The following MTMR10 variants were observed in gnomAD, a reference collection of about 807,000 sequenced individuals.
MTMR10 encodes myotubularin related protein 10, also known as myotubularin-related protein 10.
A neutral mutation model predicts 88.1 loss-of-function variants in MTMR10; 56 were observed. The ratio of observed to expected loss-of-function variants is 0.64; its 90% CI spans 0.51 to 0.79. MTMR10 has a LOEUF of 0.79. Among genes scored for constraint, MTMR10 ranks in the 30% least tolerant of loss-of-function variants. MTMR10 has a pLI of 0.00. For synonymous variants in MTMR10, 380 were observed against 340.9 expected, an observed-to-expected ratio of 1.11 and a Z score of -1.26; for missense variants, 883 against 924.7, an observed-to-expected ratio of 0.95 and a Z score of 0.58.
the MTMR10 span, among the ~76,000 whole-genome samples, chr15:30,924,910 C>T: frequency 6.6e-6 from 1 of 152,230 alleles, no homozygotes; most frequent in Non-Finnish European, 1.5e-5. Context: ...CCCGGTCACG[C>T]TCCAGCACGT....
chr15:30,929,093 A>G, the MTMR10 span: 20 of 897,324 alleles, frequency 2.2e-5, no homozygotes, highest in Non-Finnish European at 3.1e-5. Context: ...TTTTGAGAGA[A>G]AGAATGTATC....
the MTMR10 span, among the ~76,000 whole-genome samples, chr15:30,921,303 T>C: frequency 3.3e-5 from 5 of 152,184 alleles, no homozygotes; most frequent in Admixed American, 1.3e-4. Flanking sequence ...GAACTCCTTG[T>C]GAGACTTGGC....
chr15:30,984,673 T>C (rs1245175863), intron 2 of MTMR10, among the ~76,000 whole-genome samples: 1 of 152,194 alleles, frequency 6.6e-6, no homozygotes, highest in Non-Finnish European at 1.5e-5. Flanking sequence ...CATGGTTGTA[T>C]GCTTTTCTGA....
chr15:30,933,492 G>A, the MTMR10 span, among the ~76,000 whole-genome samples: 1 of 152,100 alleles, frequency 6.6e-6, no homozygotes, highest in Admixed American at 6.5e-5. Flanking sequence ...GACATATTTT[G>A]TATGATTTGA....
chr15:30,959,332 T>TAA (rs1275438111), intron 7 of MTMR10, among the ~76,000 whole-genome samples: 1 of 152,162 alleles, frequency 6.6e-6, no homozygotes, highest in African/African-American at 2.4e-5. Flanking sequence ...AAATCTAAAT[T>TAA]TATAGCATGA....
At position 30,948,483 on chromosome 15, in the gene MTMR10, A is replaced by G; in HGVS notation, c.1208-12T>C. ...TCTTCCTTCCTCCTCTGTTAATAAA[A>G]TGGAAAGAAAATGATTACAACATAG... On this transcript the variant is annotated splice_polypyrimidine_tract_variant and intron_variant, in intron 12 of 15. Transcript: ENST00000435680. The G allele has an allele frequency of 6.3e-7, 1 of 1,586,798 alleles. No individual in the cohort carries two copies.
Position 30,963,245 on chromosome 15 carries a change from C to T in MTMR10, c.566-2172G>A, listed in dbSNP as rs116014793. Among the ~76,000 whole-genome samples, 699 of 152,244 alleles carry T rather than the reference C, an allele frequency of 4.6e-3. 9 individuals are homozygous for T. Among genetic ancestry groups the T allele is most frequent in the African/African-American group, 0.016 (668 of 41,528 alleles). ...ACTTCCATCACTGGACGGTGCTGCT[C>T]TAGATTACGGAGGGGCTATGTTAGG... is the stretch of plus-strand genomic sequence containing the variant. On this transcript the variant is annotated intron_variant, in intron 6 of 15. Transcript: ENST00000435680.
downstream of MTMR10, chr15:30,936,971 G>A (rs1380955878): frequency 9.2e-6 from 6 of 654,320 alleles, no homozygotes; most frequent in African/African-American, 9.1e-5. Context: ...GTAAGTGAAG[G>A]ACCATCCGTA....
intron 11 of MTMR10, 132 bp from the exon 12 acceptor site, chr15:30,952,170 G>A (rs1252519597): frequency 1.1e-5 from 9 of 798,206 alleles, no homozygotes; most frequent in Non-Finnish European, 1.6e-5. Flanking sequence ...CATAACTCAT[G>A]ACCCATGATA....
intron 5 of MTMR10, 83 bp downstream of exon 5, chr15:30,974,231 T>C: frequency 8.1e-7 from 1 of 1,230,516 alleles, no homozygotes; most frequent in Non-Finnish European, 1.0e-6. Flanking sequence ...TCTGAGCAAT[T>C]GAGAAATGAA....
In MTMR10 at chr15:30,940,505, G is replaced by A; in HGVS notation, c.*965C>T. On this transcript the variant is annotated 3_prime_UTR_variant, in exon 16 of 16. Coordinates refer to ENST00000435680, the MANE Select transcript of MTMR10 (RefSeq NM_017762.3). Reference sequence around the variant, plus strand: ...GTAACCTCATTAGTTATTTCCAGGGGGAAGTGCCAGCAATAGTTTACCACA... The same window carrying A: ...GTAACCTCATTAGTTATTTCCAGGGAGAAGTGCCAGCAATAGTTTACCACA... 1.0e-6 allele frequency: 1 copy of A among 985,418 alleles called. No homozygotes were observed. Among genetic ancestry groups the A allele is most frequent in the African/African-American group, 1.7e-5 (1 of 57,340 alleles). 61.0% of individuals were successfully genotyped at this position (985,418 alleles called of 1,614,324 possible).
intron 2 of MTMR10, among the ~76,000 whole-genome samples, chr15:30,983,459 T>A (rs181033476): frequency 3.9e-5 from 6 of 152,332 alleles, no homozygotes; most frequent in Admixed American, 1.3e-4. Context: ...AGTTTTTAAC[T>A]CCCTGAGGAC....
At chr15:30,929,934 T>G in the MTMR10 span, among the ~76,000 whole-genome samples, 1 of 116,882 alleles carries the variant, frequency 8.6e-6, no homozygotes, top group African/African-American at 3.6e-5. Context: ...ATATAATATA[T>G]AAAATATATA....
rs963713764 is a variant in MTMR10 at position 30,941,435 on chromosome 15, C to T, written c.*35G>A. ...TGTTAATTCAGAGGAAAAAAGTTGA[C>T]AGCTTCCCTCAAAATGTTCAGAAAA... On this transcript the variant is annotated 3_prime_UTR_variant, in exon 16 of 16. Coordinates refer to ENST00000435680, the MANE Select transcript of MTMR10 (RefSeq NM_017762.3). 6.4e-7 allele frequency: 1 copy of T among 1,570,752 alleles called. No individual in the cohort carries two copies. The highest frequency in any genetic ancestry group is 1.9e-5 in the Admixed American group (1 of 53,296).
rs370210964 is a variant in MTMR10, at chr15:30,979,158, G to C, written c.122-2203C>G. Among the ~76,000 whole-genome samples the C allele has an allele frequency of 1.0e-3, 155 of 152,236 alleles. 1 individual carries two copies. In the Middle Eastern group the frequency reaches 0.017, roughly 17 times the overall value. Reference sequence around the variant, plus strand: ...TTTACACGGAATCATCACATACTGTGCCACCTTAGCAAACTCATCTAAAAA... The same window carrying C: ...TTTACACGGAATCATCACATACTGTCCCACCTTAGCAAACTCATCTAAAAA... On this transcript the variant is annotated intron_variant, in intron 2 of 15. Coordinates refer to ENST00000435680, the MANE Select transcript of MTMR10 (RefSeq NM_017762.3).
In MTMR10 at chr15:30,939,066, G is replaced by T. The variant is rs1555405179; in HGVS notation, c.*2404C>A. The stretch of plus-strand genomic sequence containing the variant: ...TCAAGTCATCAATTTTAGGCACAAA[G>T]GTTTTAGTTTTCTCGGGAAATCAAG... On this transcript the variant is annotated 3_prime_UTR_variant, in exon 16 of 16. Coordinates refer to ENST00000435680, the MANE Select transcript of MTMR10 (RefSeq NM_017762.3). The T allele has an allele frequency of 1.3e-5, 13 of 985,284 alleles. No individual in the cohort carries two copies. The South Asian group carries it at 6.1e-4, about 46-fold the overall frequency. The allele number at this position is 985,284 out of a possible 1,614,324, so 61.0% of individuals were successfully genotyped here. A position where few individuals can be genotyped will look rare whatever the true frequency, so the allele number is the denominator to read the frequency against.
chr15:30,944,565 CAAAAA>C (rs36025105), intron 14 of MTMR10, among the ~76,000 whole-genome samples: 1 of 90,412 alleles, frequency 1.1e-5, no homozygotes, highest in Non-Finnish European at 2.4e-5. Context: ...GACTCTGTCT[CAAAAA>C]AAAAAAAAAA....
At chr15:30,919,847 CA>C in the MTMR10 span, among the ~76,000 whole-genome samples, 1 of 152,058 alleles carries the variant, frequency 6.6e-6, no homozygotes, top group Non-Finnish European at 1.5e-5. Context: ...CTTGCTGTCT[CA>C]GGGGTGGCAG....
Position 30,939,537 on chromosome 15 carries a change from A to AAAAGT in MTMR10, c.*1928_*1932dup. 1 of 975,652 alleles carries AAAAGT rather than the reference A, an allele frequency of 1.0e-6. No homozygotes were observed. Among genetic ancestry groups the AAAAGT allele is most frequent in the Non-Finnish European group, 1.2e-6 (1 of 821,104 alleles). The allele number at this position is 975,652 out of a possible 1,614,324, so 60.4% of individuals were successfully genotyped here. A position where few individuals can be genotyped will look rare whatever the true frequency, so the allele number is the denominator to read the frequency against. ...GATATAACAACTGTCCAGCAAAAAT[A>AAAAGT]AAAGTATTTTACATTTGATTATCAT... On this transcript the variant is annotated 3_prime_UTR_variant, in exon 16 of 16. Coordinates refer to ENST00000435680, the MANE Select transcript of MTMR10 (RefSeq NM_017762.3).
Sources: gnomAD v4.1 joint callset for allele counts (sites outside exome capture counted in the v4.1 genomes callset) on GRCh38, gnomAD v4.1.1 for gene constraint, MANE v1.5 for transcripts, NCBI Gene and HGNC (gene_info 2026-07-23, HGNC 2026-07-21) for gene names.